SPATA31D1: variants seen among roughly 807,000 people sequenced by gnomAD.
The protein encoded by SPATA31D1 is spermatogenesis-associated protein 31D1.
In SPATA31D1, 6 loss-of-function variants were observed where a neutral mutation model predicts 13.2. The ratio of observed to expected loss-of-function variants is 0.46; its 90% CI spans 0.25 to 0.90. The LOEUF is 0.90. SPATA31D1 is among the 40% of genes least tolerant of loss of function. The pLI, the probability that SPATA31D1 is intolerant of heterozygous loss-of-function variation, is 0.18. For missense variants in SPATA31D1, 2,445 were observed against 1,884.7 expected (o/e 1.30, Z -5.50); for synonymous variants, 903 against 718.8 (o/e 1.26, Z -4.10).
chr9:81,987,579 T>G (rs1483303075), upstream of SPATA31D1, among the ~76,000 whole-genome samples: 1 of 152,202 alleles, frequency 6.6e-6, no homozygotes, highest in Non-Finnish European at 1.5e-5. Context: ...GTTCCAAAAG[T>G]GCTTGAACAG....
At chr9:81,990,312 T>A in intron 2 of SPATA31D1, 105 bp from the exon 3 acceptor site, 2 of 782,248 alleles carry the variant, frequency 2.6e-6, no homozygotes, top group East Asian at 5.4e-5. Context: ...CCTTTTCTAC[T>A]GATTCTTGGG....
In SPATA31D1 at chr9:81,991,611, C is replaced by A; in HGVS notation, c.1141C>A (p.Leu381Ile). ...GCCATCTGATTTCATGGAGGAGCTT[C>A]TTACCCTTCATTCTTCTGAGGCCTT... is the stretch of plus-strand genomic sequence containing the variant. Reference protein sequence around the residue: ...FVPSDFMEELLTLHSSEAFLG... With the variant: ...FVPSDFMEELITLHSSEAFLG... Residue 381 changes from leucine to isoleucine, a missense_variant, in exon 4 of 4, where the codon CTT (leucine) becomes ATT (isoleucine). Coordinates refer to ENST00000344803, the MANE Select transcript of SPATA31D1 (RefSeq NM_001001670.3). The A allele has an allele frequency of 6.2e-7, 1 of 1,613,990 alleles. No individual in the cohort carries two copies. Among genetic ancestry groups the A allele is most frequent in the Non-Finnish European group, 8.5e-7 (1 of 1,179,900 alleles).
In SPATA31D1 at chr9:81,995,206, C is replaced by G; in HGVS notation, c.*5C>G. 6.7e-7 allele frequency: 1 copy of G among 1,501,406 alleles called. No individual in the cohort carries two copies. Among genetic ancestry groups the G allele is most frequent in the South Asian group, 1.3e-5 (1 of 78,650 alleles). 93.0% of individuals were successfully genotyped at this position (1,501,406 alleles called of 1,614,324 possible). ...AAATTTCCCCCCACAAAATAATTCA[C>G]TCCTTGTTGAGAATCTTGATTCTCC... On this transcript the variant is annotated 3_prime_UTR_variant, in exon 4 of 4. Coordinates refer to ENST00000344803, the MANE Select transcript of SPATA31D1 (RefSeq NM_001001670.3).
intron 1 of SPATA31D1, 127 bp downstream of exon 1, chr9:81,989,131 T>C: frequency 7.2e-7 from 1 of 1,385,046 alleles, no homozygotes; most frequent in Non-Finnish European, 9.7e-7. Context: ...GAAGAGAGGA[T>C]AGAACTTCAC....
intron 1 of SPATA31D1, 49 bp downstream of exon 1, chr9:81,989,053 C>T: frequency 6.3e-7 from 1 of 1,595,988 alleles, no homozygotes; most frequent in Non-Finnish European, 8.5e-7. Flanking sequence ...GTTGTTGTTT[C>T]CCAATCCTAT....
Position 81,988,982 on chromosome 9 carries a change from A to T in SPATA31D1, c.164A>T (p.Glu55Val). The change falls in exon 1 of 4, where the codon GAA becomes GTA. Residue 55 changes from glutamate (E) to valine (V), a missense_variant. Transcript: ENST00000344803. ...VVLTLYSSPTEKNNDIQKHQG... is the reference protein window; with the variant it reads ...VVLTLYSSPTVKNNDIQKHQG... ...TTGACCCTGTATTCGTCACCCACCG[A>T]AAAAAATAATGACATCCAAAAGGTA... 6.2e-7 allele frequency: 1 copy of T among 1,611,778 alleles called. No individual in the cohort carries two copies. Among genetic ancestry groups the T allele is most frequent in the Non-Finnish European group, 8.5e-7 (1 of 1,179,666 alleles).
Position 81,991,013 on chromosome 9 carries a change from A to C in SPATA31D1, c.543A>C (p.Pro181=), listed in dbSNP as rs1301413716. 1 of 1,613,622 alleles carries C rather than the reference A, an allele frequency of 6.2e-7. No homozygotes were observed. Among genetic ancestry groups the C allele is most frequent in the Non-Finnish European group, 8.5e-7 (1 of 1,179,710 alleles). ...CTTCCACCCCCTCAGCAACCCCTCC[A>C]GAAGACCTAATACTGTCCCCTCGGC... is the stretch of plus-strand genomic sequence containing the variant. ...TLASTPSATP[P]EDLILSPRPK... The change falls in exon 4 of 4, where the codon CCA becomes CCC. Residue 181 remains proline, a synonymous_variant. Transcript: ENST00000344803.
Position 81,993,427 on chromosome 9 carries a change from C to G in SPATA31D1, c.2957C>G (p.Pro986Arg), listed in dbSNP as rs369018932. The change falls in exon 4 of 4, where the codon CCT becomes CGT. Residue 986 changes from proline (P) to arginine (R), a missense_variant. Transcript: ENST00000344803. ...TTSSVPILDRPHPVSSPVVQE... is the reference protein window; with the variant it reads ...TTSSVPILDRRHPVSSPVVQE... ...AGCTCAGTCCCCATCCTTGATCGTC[C>G]TCACCCTGTCTCCTCACCTGTCGTC... The G allele has an allele frequency of 1.5e-4, 235 of 1,613,776 alleles. No homozygotes were observed. Among genetic ancestry groups the G allele is most frequent in the Non-Finnish European group, 1.8e-4 (209 of 1,179,888 alleles).
chr9:81,992,067 A>G lies in SPATA31D1; in HGVS notation c.1597A>G (p.Asn533Asp), dbSNP rs529659769. Residue 533 changes from asparagine to aspartate, a missense_variant, in exon 4 of 4, where the codon AAT (asparagine) becomes GAT (aspartate). Asn to Asp is a conservative substitution (Grantham distance 23). Coordinates refer to ENST00000344803, the MANE Select transcript of SPATA31D1 (RefSeq NM_001001670.3). ...RGHSSMFVFF[N>D]GITNTSISHE... ...CCATTCCTCCATGTTTGTATTCTTC[A>G]ATGGCATTACAAATACATCTATATC... The G allele has an allele frequency of 2.5e-6, 4 of 1,613,750 alleles. No homozygotes were observed. Among genetic ancestry groups the G allele is most frequent in the Non-Finnish European group, 3.4e-6 (4 of 1,179,714 alleles).
Position 81,994,147 on chromosome 9 carries a change from C to A in SPATA31D1, c.3677C>A (p.Ser1226Tyr). The change falls in exon 4 of 4, where the codon TCT becomes TAT. Residue 1226 changes from serine to tyrosine, a missense_variant. Coordinates refer to ENST00000344803, the MANE Select transcript of SPATA31D1 (RefSeq NM_001001670.3). ...SQPQSHFTDMSFALDNLSSKD... is the reference protein window; with the variant it reads ...SQPQSHFTDMYFALDNLSSKD... Reference sequence around the variant, plus strand: ...CCTCAGAGCCATTTCACTGACATGTCTTTTGCCTTAGATAACTTGAGTTCC... The same window carrying A: ...CCTCAGAGCCATTTCACTGACATGTATTTTGCCTTAGATAACTTGAGTTCC... 1 of 1,613,988 alleles carries A rather than the reference C, an allele frequency of 6.2e-7. No homozygotes were observed. Among genetic ancestry groups the A allele is most frequent in the Non-Finnish European group, 8.5e-7 (1 of 1,179,894 alleles).
At position 81,988,918 on chromosome 9, in the gene SPATA31D1, G is replaced by A. The variant is rs1335537735; in HGVS notation, c.100G>A (p.Gly34Arg). The change falls in exon 1 of 4, where the codon GGG becomes AGG. Residue 34 changes from glycine to arginine, a missense_variant. Coordinates refer to ENST00000344803, the MANE Select transcript of SPATA31D1 (RefSeq NM_001001670.3). ...DIDPNFICLS[G>R]LGLFILYLFY... is the part of the protein sequence containing the mutation. Reference sequence around the variant, plus strand: ...CGACCCCAACTTCATCTGCTTGAGTGGGTTGGGGTTGTTTATACTGTACTT... The same window carrying A: ...CGACCCCAACTTCATCTGCTTGAGTAGGTTGGGGTTGTTTATACTGTACTT... 1.9e-6 allele frequency: 3 copies of A among 1,612,464 alleles called. No individual in the cohort carries two copies. The highest frequency in any genetic ancestry group is 1.7e-5 in the Admixed American group (1 of 59,988).
chr9:81,994,909 T>C lies in SPATA31D1; in HGVS notation c.4439T>C (p.Phe1480Ser), dbSNP rs200269202. The C allele has an allele frequency of 8.1e-6, 13 of 1,613,842 alleles. No individual in the cohort carries two copies. Among genetic ancestry groups the C allele is most frequent in the Non-Finnish European group, 1.1e-5 (13 of 1,179,888 alleles). ...AAATCTTGCAGCCAACAAGCTATCT[T>C]TGTTGGCCAGAATTATCCTACAAGG... ...RTKSCSQQAI[F>S]VGQNYPTRIR... The change falls in exon 4 of 4, where the codon TTT (phenylalanine) becomes TCT (serine). Residue 1480 changes from phenylalanine (F) to serine (S), a missense_variant. Coordinates refer to ENST00000344803, the MANE Select transcript of SPATA31D1 (RefSeq NM_001001670.3).
Position 81,994,252 on chromosome 9 carries a change from A to T in SPATA31D1, c.3782A>T (p.Asp1261Val). Residue 1261 changes from aspartate (D) to valine (V), a missense_variant, in exon 4 of 4, where the codon GAC (aspartate) becomes GTC (valine). Physicochemically the swap from Asp to Val is radical, Grantham distance 152. Coordinates refer to ENST00000344803, the MANE Select transcript of SPATA31D1 (RefSeq NM_001001670.3). ...TSQVVHVHLE[D>V]SGIRVAQKQE... ...CAGGTGGTGCATGTCCACTTGGAGG[A>T]CAGCGGAATCCGTGTGGCACAGAAG... 2 of 1,613,920 alleles carry T rather than the reference A, an allele frequency of 1.2e-6. No individual in the cohort carries two copies. The highest frequency in any genetic ancestry group is 1.7e-6 in the Non-Finnish European group (2 of 1,179,888).
chr9:81,989,056 A>G (rs1587526174), intron 1 of SPATA31D1, 52 bp downstream of exon 1: 1 of 1,592,056 alleles, frequency 6.3e-7, no homozygotes, highest in East Asian at 2.2e-5. Flanking sequence ...GTTGTTTCCC[A>G]ATCCTATTCC....
At chr9:81,989,911 C>G in intron 2 of SPATA31D1, 88 bp downstream of exon 2, 1 of 1,453,102 alleles carries the variant, frequency 6.9e-7, no homozygotes, top group Non-Finnish European at 9.5e-7. Flanking sequence ...CTTAGAATGT[C>G]AGTTACTAGA....
chr9:81,993,202 G>A lies in SPATA31D1; in HGVS notation c.2732G>A (p.Arg911His), dbSNP rs111996284. ...KMLEAHIKTF[R>H]MRMLWGLPLK... Reference sequence around the variant, plus strand: ...TTGGAAGCCCATATTAAAACTTTCCGTATGAGGATGCTGTGGGGCCTTCCC... The same window carrying A: ...TTGGAAGCCCATATTAAAACTTTCCATATGAGGATGCTGTGGGGCCTTCCC... Residue 911 changes from arginine to histidine, a missense_variant, in exon 4 of 4, where the codon CGT (arginine) becomes CAT (histidine). By Grantham distance (29) the Arg-to-His change is conservative. Coordinates refer to ENST00000344803, the MANE Select transcript of SPATA31D1 (RefSeq NM_001001670.3). The A allele has an allele frequency of 5.0e-5, 81 of 1,613,928 alleles. No individual in the cohort carries two copies. Among genetic ancestry groups the A allele is most frequent in the African/African-American group, 2.1e-4 (16 of 75,022 alleles).
chr9:81,989,335 C>G (rs1397704006), intron 1 of SPATA31D1, among the ~76,000 whole-genome samples: 1 of 152,176 alleles, frequency 6.6e-6, no homozygotes, highest in Non-Finnish European at 1.5e-5. Flanking sequence ...GGAGAACGGT[C>G]TCTGCTGAAA....
rs780474487 is a variant in SPATA31D1, at chr9:81,995,107, C to G, written c.4637C>G (p.Ala1546Gly). The G allele has an allele frequency of 6.8e-6, 11 of 1,608,752 alleles. No individual in the cohort carries two copies. The East Asian group carries it at 1.3e-4, about 20-fold the overall frequency. Reference protein sequence around the residue: ...SLVCPAVPTSAKSPVFSDVPF... With the variant: ...SLVCPAVPTSGKSPVFSDVPF... The stretch of plus-strand genomic sequence containing the variant: ...GTGTGTCCAGCCGTCCCAACCAGTG[C>G]TAAAAGCCCTGTGTTTAGTGATGTG... Residue 1546 changes from alanine (A) to glycine (G), a missense_variant, in exon 4 of 4, where the codon GCT (alanine) becomes GGT (glycine). Physicochemically the swap from Ala to Gly is moderately conservative, Grantham distance 60 (BLOSUM62 0). Transcript: ENST00000344803.
rs1479438469 is a variant in SPATA31D1, at chr9:81,992,551, G to C, written c.2081G>C (p.Arg694Thr). ...RKKLEQHIRR[R>T]LIQRRWGLPR... is the part of the protein sequence containing the mutation. ...AAACTAGAGCAACACATTCGAAGGA[G>C]GCTCATCCAGCGCAGATGGGGCCTG... The change falls in exon 4 of 4, where the codon AGG becomes ACG. Residue 694 changes from arginine to threonine, a missense_variant. Arg to Thr is a moderately conservative substitution (Grantham distance 71, BLOSUM62 -1). Coordinates refer to ENST00000344803, the MANE Select transcript of SPATA31D1 (RefSeq NM_001001670.3). 3 of 1,611,984 alleles carry C rather than the reference G, an allele frequency of 1.9e-6. No individual in the cohort carries two copies. The highest frequency in any genetic ancestry group is 2.5e-6 in the Non-Finnish European group (3 of 1,179,732).
Sources: allele counts gnomAD v4.1 joint callset (sites outside exome capture counted in the v4.1 genomes callset), GRCh38; gene constraint gnomAD v4.1.1; transcripts MANE v1.5; gene names NCBI Gene and HGNC (gene_info 2026-07-23, HGNC 2026-07-21).